The following LRRC49 variants were observed in gnomAD, a reference collection of about 807,000 sequenced individuals.
The protein encoded by LRRC49 is leucine-rich repeat-containing protein 49.
A neutral mutation model predicts 83.3 loss-of-function variants in LRRC49; 50 were observed. That is an observed-to-expected ratio of 0.60 (90% CI 0.48 to 0.76). The LOEUF (loss-of-function observed/expected upper bound fraction) is 0.76. Ranked by LOEUF, LRRC49 falls within the 30% of genes least tolerant of loss-of-function variation. The probability of loss-of-function intolerance (pLI) is 0.00; values close to 1 mark genes in which losing one functional copy is unlikely to be tolerated. For missense variants in LRRC49, 704 were observed against 809.1 expected (o/e 0.87, Z 1.58); for synonymous variants, 286 against 283.3 (o/e 1.01, Z -0.10).
chr15:71,004,996 G>A (rs1008952003), intron 11 of LRRC49, among the ~76,000 whole-genome samples: 3 of 152,048 alleles, frequency 2.0e-5, no homozygotes, highest in Non-Finnish European at 4.4e-5. Flanking sequence ...GACACAGTTT[G>A]CCTGTGTTAC....
intron 8 of LRRC49, among the ~76,000 whole-genome samples, chr15:70,945,174 C>T (rs1042985080): frequency 1.3e-5 from 2 of 152,188 alleles, no homozygotes; most frequent in African/African-American, 4.8e-5. Context: ...ATTTCATCTA[C>T]CCAGTGAGAC....
intron 1 of LRRC49, chr15:70,859,902 G>A: frequency 1.3e-6 from 1 of 769,102 alleles, no homozygotes. Context: ...CTGCTGGAGG[G>A]TGAGGAGAGC....
intron 5 of LRRC49, among the ~76,000 whole-genome samples, chr15:70,909,912 C>G (rs1003851011): frequency 6.6e-6 from 1 of 150,896 alleles, no homozygotes; most frequent in African/African-American, 2.4e-5. Context: ...TAGCTGTTTT[C>G]CCATCTGGTT....
intron 11 of LRRC49, among the ~76,000 whole-genome samples, chr15:71,001,041 G>T (rs1043847871): frequency 6.6e-6 from 1 of 151,660 alleles, no homozygotes; most frequent in African/African-American, 2.4e-5. Context: ...TTCCTTTATG[G>T]TTTACCCACT....
chr15:71,043,345 AAAT>A (rs2039754875), intron 15 of LRRC49, among the ~76,000 whole-genome samples: 1 of 152,234 alleles, frequency 6.6e-6, no homozygotes, highest in African/African-American at 2.4e-5. Context: ...TAGTTTAATG[AAAT>A]AATGTAAACA....
chr15:70,988,592 T>C (rs1305853019), intron 11 of LRRC49, among the ~76,000 whole-genome samples: 17 of 151,770 alleles, frequency 1.1e-4, no homozygotes, highest in South Asian at 6.2e-4. Flanking sequence ...CTTTATCCAG[T>C]TTGCCAGTCT....
Position 70,995,547 on chromosome 15 carries a change from G to A in LRRC49, c.1169+11290G>A, listed in dbSNP as rs529126437. Among the ~76,000 whole-genome samples the A allele has an allele frequency of 9.9e-5, 15 of 152,282 alleles. No homozygotes were observed. The East Asian group carries it at 1.9e-3, about 20-fold the overall frequency. On this transcript the variant is annotated intron_variant, in intron 11 of 15. Coordinates refer to ENST00000260382, the MANE Select transcript of LRRC49 (RefSeq NM_017691.5). ...AGAACAAGGTATGCTACCAGAGGCC[G>A]TACATCCTGTTCTCTTGTGATAGGG... is the stretch of plus-strand genomic sequence containing the variant.
chr15:70,960,132 A>G (rs1252232665), intron 8 of LRRC49, among the ~76,000 whole-genome samples: 1 of 152,214 alleles, frequency 6.6e-6, no homozygotes, highest in Non-Finnish European at 1.5e-5. Flanking sequence ...AAGTGGTTTC[A>G]GGAGGGATGG....
intron 2 of LRRC49, chr15:70,881,560 G>C (rs1239451211): frequency 6.6e-6 from 1 of 152,122 alleles, no homozygotes. Flanking sequence ...AGAAACTATT[G>C]TAACAGTTTA....
At chr15:70,980,781 T>G (rs1162663407) in intron 10 of LRRC49, among the ~76,000 whole-genome samples, 2 of 152,132 alleles carry the variant, frequency 1.3e-5, no homozygotes, top group African/African-American at 4.8e-5. Flanking sequence ...AGTTTATAGT[T>G]CATAATATGC....
chr15:70,973,982 C>G (rs1317476931), intron 9 of LRRC49, among the ~76,000 whole-genome samples: 5 of 151,940 alleles, frequency 3.3e-5, no homozygotes, highest in Non-Finnish European at 7.4e-5. Context: ...CAAAAATTAG[C>G]TGGGCATGGT....
chr15:70,935,757 T>A (rs1327403825), intron 7 of LRRC49, among the ~76,000 whole-genome samples: 1 of 152,182 alleles, frequency 6.6e-6, no homozygotes, highest in Non-Finnish European at 1.5e-5. Flanking sequence ...TGGCAGTATG[T>A]AACACTTTGA....
At chr15:70,891,338 G>C (rs192318117), upstream of LRRC49, among the ~76,000 whole-genome samples, 27 of 152,226 alleles carry the variant, frequency 1.8e-4, no homozygotes, top group Non-Finnish European at 3.4e-4. Context: ...AGGAAGCTTG[G>C]GGTGGGAAGG....
At position 70,859,684 on chromosome 15, in the gene LRRC49, C is replaced by T. The variant is rs2032739233; in HGVS notation, c.-299+6215C>T. 24 of 666,830 alleles carry T rather than the reference C, an allele frequency of 3.6e-5. 1 individual carries two copies. Among genetic ancestry groups the T allele is most frequent in the South Asian group, 3.0e-4 (22 of 72,622 alleles). The allele number at this position is 666,830 out of a possible 1,614,324, so 41.3% of individuals were successfully genotyped here. A position where few individuals can be genotyped will look rare whatever the true frequency, so the allele number is the denominator to read the frequency against. On this transcript the variant is annotated intron_variant, in intron 1 of 16. Coordinates refer to the LRRC49 transcript ENST00000544974. ...GGCTCCAGGCTGAGATTAAGGGCCT[C>T]AAAGGCCAGATGGCTTCCCTGGAGG...
intron 3 of LRRC49, among the ~76,000 whole-genome samples, chr15:70,898,870 G>A (rs1037158716): frequency 2.0e-5 from 3 of 151,812 alleles, no homozygotes; most frequent in Non-Finnish European, 4.4e-5. Context: ...TTTTTTGTGG[G>A]TATTTATATA....
intron 9 of LRRC49, among the ~76,000 whole-genome samples, chr15:70,973,076 G>T (rs1184969240): frequency 6.6e-6 from 1 of 152,110 alleles, no homozygotes; most frequent in Non-Finnish European, 1.5e-5. Flanking sequence ...CTGGTTTTTG[G>T]AATTTTCAAC....
intron 5 of LRRC49, among the ~76,000 whole-genome samples, chr15:70,905,587 A>C (rs958532985): frequency 6.6e-6 from 1 of 152,212 alleles, no homozygotes; most frequent in African/African-American, 2.4e-5. Context: ...ATTTAATACA[A>C]CTTTTACATG....
intron 5 of LRRC49, chr15:70,907,810 A>C: frequency 2.7e-6 from 1 of 372,538 alleles, no homozygotes; most frequent in Non-Finnish European, 5.3e-6. Flanking sequence ...GTTTCTATTC[A>C]ATGGAAGAAC....
chr15:71,015,291 A>G (rs530788970), intron 14 of LRRC49, among the ~76,000 whole-genome samples: 8 of 152,260 alleles, frequency 5.3e-5, no homozygotes, highest in African/African-American at 1.9e-4. Flanking sequence ...GCAGTCCTCA[A>G]CCTTTTTGGC....
Sources: gnomAD v4.1 joint callset for allele counts (sites outside exome capture counted in the v4.1 genomes callset) on GRCh38, gnomAD v4.1.1 for gene constraint, MANE v1.5 for transcripts, NCBI Gene and HGNC (gene_info 2026-07-23, HGNC 2026-07-21) for gene names.